TTC28: variants seen among roughly 807,000 people sequenced by gnomAD.
TTC28 encodes tetratricopeptide repeat domain 28.
In TTC28, 61 loss-of-function variants were observed where a neutral mutation model predicts 198.0. The ratio of observed to expected loss-of-function variants is 0.31; its 90% CI spans 0.25 to 0.38. The LOEUF (loss-of-function observed/expected upper bound fraction) is 0.38, where lower values mean the gene tolerates loss of function less well. TTC28 is among the 10% of genes least tolerant of loss of function. The pLI, the probability that TTC28 is intolerant of heterozygous loss-of-function variation, is 1.00. For missense variants in TTC28, 2,678 were observed against 3,164.0 expected (o/e 0.85, Z 3.69); for synonymous variants, 1,171 against 1,297.8 (o/e 0.90, Z 2.10).
intron 5 of TTC28, among the ~76,000 whole-genome samples, chr22:28,169,559 C>G (rs989517872): frequency 2.0e-5 from 3 of 152,120 alleles, no homozygotes; most frequent in African/African-American, 7.2e-5. Flanking sequence ...TCTCAGCAAA[C>G]TATCGCAAGG....
rs2046398177 is a variant in TTC28 at position 28,375,663 on chromosome 22, G to C, written c.382-69020C>G. Among the ~76,000 whole-genome samples, 4 of 152,180 alleles carry C rather than the reference G, an allele frequency of 2.6e-5. No homozygotes were observed. The South Asian group carries it at 8.3e-4, about 32-fold the overall frequency. ...ATTTGACAAGATTACGGAATACCTA[G>C]AGAACTGTAAAGCATTACTTCTGGC... On this transcript the variant is annotated intron_variant, in intron 2 of 22. Coordinates refer to ENST00000397906, the MANE Select transcript of TTC28 (RefSeq NM_001145418.2).
intron 5 of TTC28, among the ~76,000 whole-genome samples, chr22:28,173,242 T>C (rs1922851237): frequency 1.3e-5 from 2 of 152,222 alleles, no homozygotes; most frequent in African/African-American, 2.4e-5. Flanking sequence ...TCTTTGTTCC[T>C]GTTCCTGTAG....
chr22:28,216,648 G>A (rs756962700), intron 5 of TTC28, among the ~76,000 whole-genome samples: 1 of 152,080 alleles, frequency 6.6e-6, no homozygotes. Flanking sequence ...ATTTACAAAG[G>A]TGCAGCAATA....
intron 2 of TTC28, among the ~76,000 whole-genome samples, chr22:28,466,901 G>T (rs1459897493): frequency 6.6e-6 from 1 of 151,390 alleles, no homozygotes. Flanking sequence ...AATACATTAG[G>T]AGGATATGAG....
chr22:28,140,697 T>C (rs1383497077), intron 6 of TTC28, among the ~76,000 whole-genome samples: 1 of 152,224 alleles, frequency 6.6e-6, no homozygotes, highest in Admixed American at 6.5e-5. Context: ...AATCTTCTTA[T>C]CCATAAAGGC....
At chr22:28,122,838 A>T (rs1942821466) in intron 6 of TTC28, among the ~76,000 whole-genome samples, 1 of 152,224 alleles carries the variant, frequency 6.6e-6, no homozygotes, top group Non-Finnish European at 1.5e-5. Flanking sequence ...TCTTTTGTAG[A>T]ATAAAAATTG....
At chr22:28,549,812 T>C (rs1288328915) in intron 2 of TTC28, among the ~76,000 whole-genome samples, 2 of 152,218 alleles carry the variant, frequency 1.3e-5, no homozygotes, top group Non-Finnish European at 2.9e-5. Context: ...GATAAGTCAC[T>C]GTAAAATTCA....
intron 2 of TTC28, among the ~76,000 whole-genome samples, chr22:28,310,600 C>G (rs993729187): frequency 2.6e-5 from 4 of 151,828 alleles, no homozygotes; most frequent in African/African-American, 9.7e-5. Context: ...AAATGAGTAA[C>G]GAGGTAAACT....
intron 2 of TTC28, among the ~76,000 whole-genome samples, chr22:28,345,013 A>G (rs2045884125): frequency 6.6e-6 from 1 of 152,174 alleles, no homozygotes. Context: ...CATCACACAC[A>G]TTTCTTAAGC....
intron 2 of TTC28, among the ~76,000 whole-genome samples, chr22:28,337,959 G>A (rs1022267834): frequency 9.8e-5 from 15 of 152,316 alleles, no homozygotes; most frequent in African/African-American, 2.9e-4. Context: ...AATTTGGCAT[G>A]TTTTTGCAGT....
At chr22:28,042,178 C>T (rs1170399346) in intron 12 of TTC28, among the ~76,000 whole-genome samples, 1 of 152,082 alleles carries the variant, frequency 6.6e-6, no homozygotes, top group Non-Finnish European at 1.5e-5. Context: ...GTGGCGATTC[C>T]TCAAGGATCT....
intron 2 of TTC28, among the ~76,000 whole-genome samples, chr22:28,480,792 T>A (rs1043607441): frequency 2.6e-5 from 4 of 152,080 alleles, no homozygotes; most frequent in African/African-American, 9.7e-5. Flanking sequence ...AAAAATACAC[T>A]TTACTGTGTA....
chr22:28,214,109 T>C lies in TTC28; in HGVS notation c.934-50510A>G, dbSNP rs1221175737. On this transcript the variant is annotated intron_variant, in intron 5 of 22. Transcript: ENST00000397906. ...AAGCTGAAACTGGATCCCTTCCTTA[T>C]ACCTTATACAAAAATTAATTCAAGA... Among the ~76,000 whole-genome samples the C allele has an allele frequency of 5.3e-5, 8 of 152,154 alleles. No homozygotes were observed. In the South Asian group the frequency reaches 1.2e-3, roughly 24 times the overall value.
intron 2 of TTC28, among the ~76,000 whole-genome samples, chr22:28,341,026 A>G (rs866414924): frequency 2.5e-4 from 38 of 152,348 alleles, no homozygotes; most frequent in African/African-American, 8.9e-4. Context: ...AAAGTCTCCA[A>G]AGGGTACAAC....
chr22:28,170,628 T>C (rs1047951500), intron 5 of TTC28, among the ~76,000 whole-genome samples: 1 of 152,148 alleles, frequency 6.6e-6, no homozygotes, highest in African/African-American at 2.4e-5. Flanking sequence ...CCACGGTAAA[T>C]GGATATCTTA....
intron 1 of TTC28, among the ~76,000 whole-genome samples, chr22:28,672,693 G>C (rs577675155): frequency 4.6e-5 from 7 of 152,288 alleles, no homozygotes; most frequent in African/African-American, 1.4e-4. Flanking sequence ...CTAAATACCA[G>C]GAATTATTTT....
intron 2 of TTC28, among the ~76,000 whole-genome samples, chr22:28,422,305 A>G (rs1196345791): frequency 6.6e-6 from 1 of 152,192 alleles, no homozygotes; most frequent in Non-Finnish European, 1.5e-5. Context: ...CATATGTATG[A>G]ATGGCTTTTT....
At chr22:28,078,698 G>A (rs1478674885) in intron 12 of TTC28, among the ~76,000 whole-genome samples, 1 of 152,084 alleles carries the variant, frequency 6.6e-6, no homozygotes, top group Admixed American at 6.5e-5. Flanking sequence ...GAAGGGAGAA[G>A]CGCTTCATTT....
At chr22:28,027,763 A>G (rs1341689793) in intron 13 of TTC28, among the ~76,000 whole-genome samples, 1 of 152,254 alleles carries the variant, frequency 6.6e-6, no homozygotes, top group Non-Finnish European at 1.5e-5. Context: ...ATCCCTGGCC[A>G]TACATGGGAC....
Sources: gnomAD v4.1 joint callset for allele counts (sites outside exome capture counted in the v4.1 genomes callset) on GRCh38, gnomAD v4.1.1 for gene constraint, MANE v1.5 for transcripts, NCBI Gene and HGNC (gene_info 2026-07-23, HGNC 2026-07-21) for gene names.